TMCC2: variants seen among roughly 807,000 people sequenced by gnomAD.
TMCC2 encodes the protein transmembrane and coiled-coil domain family 2.
A neutral mutation model predicts 49.4 loss-of-function variants in TMCC2; 16 were observed. The observed-to-expected ratio is 0.32, with a 90% CI of 0.22 to 0.49. The LOEUF is 0.49. TMCC2 is among the 20% of genes least tolerant of loss of function. The probability of loss-of-function intolerance (pLI) is 0.99; values close to 1 mark genes in which losing one functional copy is unlikely to be tolerated. For missense variants in TMCC2, 762 were observed against 989.8 expected, an observed-to-expected ratio of 0.77 and a Z score of 3.09; for synonymous variants, 397 against 434.1, an observed-to-expected ratio of 0.91 and a Z score of 1.06.
intron 2 of TMCC2, among the ~76,000 whole-genome samples, chr1:205,249,161 A>T (rs1296912599): frequency 1.3e-5 from 2 of 152,142 alleles, no homozygotes; most frequent in Non-Finnish European, 2.9e-5. Context: ...TCCTGACTGG[A>T]TGCTTCCCTG....
Position 205,228,689 on chromosome 1 carries a change from ACT to A in TMCC2, c.128_129del (p.Ser43CysfsTer24). On this transcript the variant is annotated frameshift_variant, in exon 1 of 5. Transcript: ENST00000358024. LOFTEE classifies it high-confidence loss of function. The stretch of plus-strand genomic sequence containing the variant: ...CGGCCTGGGGAGACCACGGGTGCTA[ACT>A]CTGCTGGCGGGCCAACTTCAGACGC... 1 of 1,612,402 alleles carries A rather than the reference ACT, an allele frequency of 6.2e-7. No individual in the cohort carries two copies. The highest frequency in any genetic ancestry group is 8.5e-7 in the Non-Finnish European group (1 of 1,179,746).
chr1:205,263,772 C>T (rs1661211977), intron 2 of TMCC2, among the ~76,000 whole-genome samples: 1 of 152,182 alleles, frequency 6.6e-6, no homozygotes, highest in Non-Finnish European at 1.5e-5. Flanking sequence ...TGGAGTGAGG[C>T]TGGGCTGTGG....
intron 2 of TMCC2, among the ~76,000 whole-genome samples, chr1:205,267,504 A>G (rs1381872374): frequency 6.6e-6 from 1 of 152,100 alleles, no homozygotes; most frequent in African/African-American, 2.4e-5. Context: ...GTGTGTAAAA[A>G]TACATGGGGT....
chr1:205,246,514 A>G (rs1660458172), intron 2 of TMCC2: 13 of 1,496,974 alleles, frequency 8.7e-6, no homozygotes, highest in Non-Finnish European at 1.2e-5. Flanking sequence ...TTGCAAGCCT[A>G]GCCTCCACTG....
At position 205,269,700 on chromosome 1, in the gene TMCC2, G is replaced by T. The variant is rs780448656; in HGVS notation, c.1498G>T (p.Ala500Ser). Residue 500 changes from alanine (A) to serine (S), a missense_variant, in exon 3 of 5, where the codon GCG becomes TCG. Around this residue, in one of 2 missense-constraint regions of TMCC2, gnomAD observed 440 missense variants for 636.7 expected, o/e 0.69. Coordinates refer to ENST00000358024, the MANE Select transcript of TMCC2 (RefSeq NM_014858.4). ...CAACTCTGGGGCTGGGCCTGGTGGG[G>T]CGCTGGGGAGCCCTAAGTCCAATGC... ...GSNSGAGPGG[A>S]LGSPKSNALY... The T allele has an allele frequency of 9.9e-6, 16 of 1,613,996 alleles. No individual in the cohort carries two copies. In the East Asian group the frequency reaches 3.6e-4, roughly 36 times the overall value.
At chr1:205,229,077 A>G (rs1048041177) in intron 1 of TMCC2, 1 of 1,218,792 alleles carries the variant, frequency 8.2e-7, no homozygotes, top group African/African-American at 1.5e-5. Context: ...GGAGAAATCC[A>G]AGATGCTAAC....
chr1:205,267,833 C>A (rs920911078), intron 2 of TMCC2: 1 of 973,292 alleles, frequency 1.0e-6, no homozygotes, highest in Non-Finnish European at 1.2e-6. Flanking sequence ...TTCCTTCCTA[C>A]GCATTCACCC....
At chr1:205,261,811 G>GT (rs1661128395) in intron 2 of TMCC2, among the ~76,000 whole-genome samples, 1 of 152,152 alleles carries the variant, frequency 6.6e-6, no homozygotes, top group South Asian at 2.1e-4. Context: ...CTCTCAGCTG[G>GT]TAAGTGACAG....
At chr1:205,237,380 C>CA (rs1233001234) in intron 1 of TMCC2, among the ~76,000 whole-genome samples, 1 of 152,202 alleles carries the variant, frequency 6.6e-6, no homozygotes, top group Admixed American at 6.5e-5. Context: ...CCTAGGCTGG[C>CA]AAAGGCTCAG....
Position 205,269,276 on chromosome 1 carries a change from C to T in TMCC2, c.1074C>T (p.Arg358=), listed in dbSNP as rs527614451. 7.4e-5 allele frequency: 120 copies of T among 1,613,780 alleles called. 1 individual carries two copies. The South Asian group carries it at 1.2e-3, about 17-fold the overall frequency. The change falls in exon 3 of 5, where the codon CGC becomes CGT. Residue 358 remains arginine, a synonymous_variant. Transcript: ENST00000358024. ...AQLHKKLEHY[R]RRLKEIEQNG... ...TGCACAAGAAGCTGGAGCACTACCG[C>T]CGGCGCCTGAAGGAGATTGAGCAGA...
At chr1:205,267,855 G>A (rs1193438382) in intron 2 of TMCC2, 5 of 984,732 alleles carry the variant, frequency 5.1e-6, no homozygotes, top group Non-Finnish European at 6.0e-6. Context: ...CTGCAAAGCT[G>A]GGCGGCTAGT....
chr1:205,251,134 G>A (rs901683048), intron 2 of TMCC2, among the ~76,000 whole-genome samples: 4 of 152,202 alleles, frequency 2.6e-5, no homozygotes, highest in Non-Finnish European at 5.9e-5. Context: ...AGAGGGCGCT[G>A]AAATAGAAGT....
At chr1:205,251,752 GCCACT>G (rs1215634273) in intron 2 of TMCC2, among the ~76,000 whole-genome samples, 5 of 152,192 alleles carry the variant, frequency 3.3e-5, no homozygotes, top group Non-Finnish European at 7.3e-5. Flanking sequence ...CCCAAGAGGT[GCCACT>G]CATGTCCTTT....
At position 205,241,772 on chromosome 1, in the gene TMCC2, C is replaced by T; in HGVS notation, c.475C>T (p.Pro159Ser). 1 of 1,610,930 alleles carries T rather than the reference C, an allele frequency of 6.2e-7. No homozygotes were observed. The highest frequency in any genetic ancestry group is 8.5e-7 in the Non-Finnish European group (1 of 1,179,448). The change falls in exon 2 of 5, where the codon CCC becomes TCC. Residue 159 changes from proline (P) to serine (S), a missense_variant. Pro to Ser is a moderately conservative substitution (Grantham distance 74). Around this residue, in one of 2 missense-constraint regions of TMCC2, gnomAD observed 322 missense variants for 353.1 expected, o/e 0.91. Coordinates refer to ENST00000358024, the MANE Select transcript of TMCC2 (RefSeq NM_014858.4). This position sits in a 1 kb window ranked among gnomAD's most constrained non-coding sequence, Gnocchi z 7.3. The stretch of plus-strand genomic sequence containing the variant: ...CGTGCTGCAGCAGATCCGCTCCCGG[C>T]CCTCCATCAAGCGGGGCGCCAGCCT... ...NRVLQQIRSR[P>S]SIKRGASLHS...
chr1:205,263,142 TAC>T (rs139536142), intron 2 of TMCC2, among the ~76,000 whole-genome samples: 4 of 151,076 alleles, frequency 2.6e-5, no homozygotes, highest in Non-Finnish European at 4.4e-5. Flanking sequence ...TGCATGCAGG[TAC>T]ACACACACAC....
chr1:205,265,773 C>A (rs1339041213), intron 2 of TMCC2, among the ~76,000 whole-genome samples: 3 of 150,968 alleles, frequency 2.0e-5, no homozygotes, highest in Admixed American at 2.0e-4. Flanking sequence ...GTTGGTTAGG[C>A]TGGTCTCGAA....
intron 2 of TMCC2, among the ~76,000 whole-genome samples, chr1:205,256,949 C>T (rs1322797341): frequency 6.6e-6 from 1 of 152,038 alleles, no homozygotes; most frequent in Non-Finnish European, 1.5e-5. Flanking sequence ...CGTGCACATC[C>T]CTTTCAACCC....
At chr1:205,270,131 C>CT in intron 3 of TMCC2, among the ~76,000 whole-genome samples, 1 of 152,208 alleles carries the variant, frequency 6.6e-6, no homozygotes, top group Non-Finnish European at 1.5e-5. Flanking sequence ...ACTGTAACCT[C>CT]TGCCTCCTGG....
chr1:205,269,235 C>G lies in TMCC2; in HGVS notation c.1033C>G (p.Gln345Glu). The G allele has an allele frequency of 1.9e-6, 3 of 1,613,988 alleles. No homozygotes were observed. The highest frequency in any genetic ancestry group is 2.5e-6 in the Non-Finnish European group (3 of 1,180,036). ...VFEKKNQKSA[Q>E]TIAQLHKKLE... is the part of the protein sequence containing the mutation. ...CGAGAAGAAGAACCAGAAGTCAGCC[C>G]AGACCATCGCCCAGCTGCACAAGAA... is the stretch of plus-strand genomic sequence containing the variant. The change falls in exon 3 of 5, where the codon CAG becomes GAG. Residue 345 changes from glutamine to glutamate, a missense_variant. Gln to Glu is a conservative substitution (Grantham distance 29, BLOSUM62 2). Around this residue, in one of 2 missense-constraint regions of TMCC2, gnomAD observed 440 missense variants for 636.7 expected, o/e 0.69. Transcript: ENST00000358024.
Sources: gnomAD v4.1 joint callset for allele counts (sites outside exome capture counted in the v4.1 genomes callset) on GRCh38, gnomAD v4.1.1 for gene constraint, gnomAD v4.1.1 regional missense constraint, Gnocchi (gnomAD v3.1) non-coding constraint, MANE v1.5 for transcripts, NCBI Gene and HGNC (gene_info 2026-07-23, HGNC 2026-07-21) for gene names.